Variants in EDRF1 observed in about 807,000 individuals in gnomAD.
The protein encoded by EDRF1 is erythroid differentiation regulatory factor 1, also known as erythroid differentiation-related factor 1.
A neutral mutation model predicts 148.7 loss-of-function variants in EDRF1; 69 were observed. The observed-to-expected ratio is 0.46, with a 90% CI of 0.38 to 0.57. The LOEUF (loss-of-function observed/expected upper bound fraction) is 0.57, where lower values mean the gene tolerates loss of function less well. EDRF1 is among the 20% of genes least tolerant of loss of function. The pLI is 0.00. For synonymous variants in EDRF1, 515 were observed against 532.8 expected, an observed-to-expected ratio of 0.97 and a Z score of 0.46; for missense variants, 1,118 against 1,478.7, an observed-to-expected ratio of 0.76 and a Z score of 4.00.
chr10:125,719,967 G>T lies in EDRF1; in HGVS notation c.108+52G>T, dbSNP rs771120801. Reference sequence around the variant, plus strand: ...CCAGGGATGTGGGAGCGGAGGACCCGCTCCACCGGGGAGGGATGCCACGGT... The same window carrying T: ...CCAGGGATGTGGGAGCGGAGGACCCTCTCCACCGGGGAGGGATGCCACGGT... On this transcript the variant is annotated intron_variant, in intron 1 of 24. Transcript: ENST00000356792. The T allele has an allele frequency of 1.0e-5, 16 of 1,531,496 alleles. No individual in the cohort carries two copies. The East Asian group carries it at 1.8e-4, about 18-fold the overall frequency. The allele number at this position is 1,531,496 out of a possible 1,614,324, so 94.9% of individuals were successfully genotyped here.
intron 22 of EDRF1, 59 bp from the exon 23 acceptor site, chr10:125,752,740 A>G: frequency 8.8e-7 from 1 of 1,142,368 alleles, no homozygotes; most frequent in Non-Finnish European, 1.3e-6. Context: ...ATACATTAAC[A>G]TTAGATGGGT....
intron 6 of EDRF1, among the ~76,000 whole-genome samples, chr10:125,727,783 G>C (rs1848324837): frequency 6.6e-6 from 1 of 152,160 alleles, no homozygotes; most frequent in South Asian, 2.1e-4. Flanking sequence ...GTTCTGTTGA[G>C]GCAATGACAT....
chr10:125,740,390 G>GA (rs1239130803), intron 15 of EDRF1, 73 bp from the exon 16 acceptor site: 22 of 1,492,436 alleles, frequency 1.5e-5, no homozygotes, highest in Non-Finnish European at 2.0e-5. Flanking sequence ...TCAAGAAACA[G>GA]AAAATATTTT....
At chr10:125,730,726 A>G (rs1337466541) in intron 9 of EDRF1, among the ~76,000 whole-genome samples, 1 of 152,238 alleles carries the variant, frequency 6.6e-6, no homozygotes, top group Non-Finnish European at 1.5e-5. Flanking sequence ...CGTTATGCAA[A>G]TATCTACTCA....
At chr10:125,747,788 G>C (rs1163389179) in intron 20 of EDRF1, 75 bp from the exon 21 acceptor site, 1 of 1,610,014 alleles carries the variant, frequency 6.2e-7, no homozygotes, top group Non-Finnish European at 8.5e-7. Flanking sequence ...CTAATAAGCA[G>C]TATTTAAACG....
chr10:125,759,000 C>A lies in EDRF1; in HGVS notation c.3546-4301C>A, dbSNP rs148158544. On this transcript the variant is annotated intron_variant, in intron 24 of 24. Coordinates refer to ENST00000356792, the MANE Select transcript of EDRF1 (RefSeq NM_001202438.2). ...CAGGGTTCATTGTCTTCCCCCACCC[C>A]CATTGAGTCTTTTGTTTCATAGAGG... Among the ~76,000 whole-genome samples the A allele has an allele frequency of 2.0e-5, 3 of 152,156 alleles. No individual in the cohort carries two copies. In the East Asian group the frequency reaches 5.8e-4, roughly 29 times the overall value.
intron 17 of EDRF1, chr10:125,742,271 C>T (rs1849065508): frequency 5.4e-6 from 7 of 1,289,320 alleles, no homozygotes; most frequent in African/African-American, 1.5e-5. Flanking sequence ...GATATCCCTC[C>T]CTCTTACCTC....
Position 125,721,394 on chromosome 10 carries a change from A to C in EDRF1, c.299A>C (p.Lys100Thr). 6.2e-7 allele frequency: 1 copy of C among 1,614,200 alleles called. No homozygotes were observed. The highest frequency in any genetic ancestry group is 8.5e-7 in the Non-Finnish European group (1 of 1,180,034). ...ACTACCATTCTTGGCAACAGCAAGA[A>C]AAGCAAGCCATTTTCAAGGTAAATA... The part of the protein sequence containing the change: ...AGTTILGNSK[K>T]SKPFSSFGMA... The change falls in exon 2 of 25, where the codon AAA becomes ACA. Residue 100 changes from lysine to threonine, a missense_variant. By Grantham distance (78) the Lys-to-Thr change is moderately conservative. Coordinates refer to ENST00000356792, the MANE Select transcript of EDRF1 (RefSeq NM_001202438.2).
At position 125,754,025 on chromosome 10, in the gene EDRF1, G is replaced by A. The variant is rs1393427473; in HGVS notation, c.3545+180G>A. 2.0e-5 allele frequency among the ~76,000 whole-genome samples: 3 copies of A among 151,982 alleles called. No individual in the cohort carries two copies. In the East Asian group the frequency reaches 5.8e-4, roughly 29 times the overall value. On this transcript the variant is annotated intron_variant, in intron 24 of 24. Coordinates refer to ENST00000356792, the MANE Select transcript of EDRF1 (RefSeq NM_001202438.2). ...GAGTTCAGGAGTTCGAGACCAGCCC[G>A]GCCAACATGGTGAAACCCCATCTCT...
chr10:125,752,878 G>C lies in EDRF1; in HGVS notation c.3357G>C (p.Gln1119His), dbSNP rs1177741254. 3 of 1,613,912 alleles carry C rather than the reference G, an allele frequency of 1.9e-6. No homozygotes were observed. Among genetic ancestry groups the C allele is most frequent in the Admixed American group, 3.3e-5 (2 of 60,002 alleles). Reference protein sequence around the residue: ...DIMVRTEHAFQLIQKELIEEF... With the variant: ...DIMVRTEHAFHLIQKELIEEF... Reference sequence around the variant, plus strand: ...TGGTGAGAACTGAGCACGCATTCCAGCTTATCCAGAAGGAGCTTATAGAAG... The same window carrying C: ...TGGTGAGAACTGAGCACGCATTCCACCTTATCCAGAAGGAGCTTATAGAAG... Residue 1119 changes from glutamine to histidine, a missense_variant, in exon 23 of 25, where the codon CAG becomes CAC. Transcript: ENST00000356792.
intron 18 of EDRF1, 70 bp from the exon 19 acceptor site, chr10:125,745,634 CTCA>C: frequency 6.7e-7 from 1 of 1,491,604 alleles, no homozygotes; most frequent in South Asian, 1.1e-5. Context: ...CTCCTCTTAT[CTCA>C]TCAAGAGACA....
At chr10:125,753,902 T>C in intron 24 of EDRF1, 57 bp downstream of exon 24, 1 of 1,587,616 alleles carries the variant, frequency 6.3e-7, no homozygotes, top group Non-Finnish European at 8.6e-7. Flanking sequence ...CTATAAAAAT[T>C]TTCTCTACTA....
intron 8 of EDRF1, among the ~76,000 whole-genome samples, chr10:125,730,001 G>T (rs1248285386): frequency 1.3e-5 from 2 of 152,234 alleles, no homozygotes. Flanking sequence ...CAAGTTGTGT[G>T]TGAGGAGCAG....
chr10:125,745,774 A>G lies in EDRF1; in HGVS notation c.2658A>G (p.Gly886=), dbSNP rs1849320986. The change falls in exon 19 of 25, where the codon GGA becomes GGG. Residue 886 remains glycine, a synonymous_variant. Transcript: ENST00000356792. ...WKKSFSCFEK[G]IHNFESIEDA... is the part of the protein sequence containing the mutation. ...AAAGCTTTTCTTGTTTTGAAAAGGG[A>G]ATTCACAACTTTGAATCAATTGAGG... The G allele has an allele frequency of 6.2e-7, 1 of 1,614,118 alleles. No individual in the cohort carries two copies. The highest frequency in any genetic ancestry group is 8.5e-7 in the Non-Finnish European group (1 of 1,180,050).
chr10:125,729,584 C>T lies in EDRF1; in HGVS notation c.1016+105C>T, dbSNP rs573408050. The T allele has an allele frequency of 3.1e-5, 44 of 1,409,680 alleles. 1 individual carries two copies. The South Asian group carries it at 4.3e-4, about 14-fold the overall frequency. 87.3% of individuals were successfully genotyped at this position (1,409,680 alleles called of 1,614,324 possible). Reference sequence around the variant, plus strand: ...TTGCAGTGAGCCAAGATCATGCTACCGCACTCCAGCCTAGGCGAAAGAGCA... The same window carrying T: ...TTGCAGTGAGCCAAGATCATGCTACTGCACTCCAGCCTAGGCGAAAGAGCA... On this transcript the variant is annotated intron_variant, in intron 8 of 24. Transcript: ENST00000356792.
intron 13 of EDRF1, among the ~76,000 whole-genome samples, chr10:125,737,531 C>T (rs1848801746): frequency 6.6e-6 from 1 of 152,178 alleles, no homozygotes; most frequent in African/African-American, 2.4e-5. Context: ...CACATAATAT[C>T]CTTCATAGTT....
chr10:125,735,702 A>G lies in EDRF1; in HGVS notation c.1556A>G (p.Lys519Arg). 1 of 1,613,574 alleles carries G rather than the reference A, an allele frequency of 6.2e-7. No individual in the cohort carries two copies. Among genetic ancestry groups the G allele is most frequent in the Admixed American group, 1.7e-5 (1 of 59,960 alleles). ...CTTTTTCAATTGGATGAACCTAAAA[A>G]GGAAGAAAATTCAGAATCTCCTTTA... ...SELFQLDEPK[K>R]EENSESPLNE... Residue 519 changes from lysine to arginine, a missense_variant, in exon 13 of 25, where the codon AAG becomes AGG. Physicochemically the swap from Lys to Arg is conservative, Grantham distance 26 (BLOSUM62 2). Around this residue, in one of 3 missense-constraint regions of EDRF1, gnomAD observed 954 missense variants for 1,241.4 expected, o/e 0.77. Coordinates refer to ENST00000356792, the MANE Select transcript of EDRF1 (RefSeq NM_001202438.2).
chr10:125,745,643 A>G lies in EDRF1; in HGVS notation c.2591-64A>G, dbSNP rs1849314152. ...GCCATCCTCCTCTTATCTCATCAAGAGACAGTGCTAAGGTTTACACTGATG... is the reference window on the plus strand; with the variant it reads ...GCCATCCTCCTCTTATCTCATCAAGGGACAGTGCTAAGGTTTACACTGATG... On this transcript the variant is annotated intron_variant, in intron 18 of 24. Transcript: ENST00000356792. 10 of 1,536,802 alleles carry G rather than the reference A, an allele frequency of 6.5e-6. No individual in the cohort carries two copies. The South Asian group carries it at 1.0e-4, about 16-fold the overall frequency.
chr10:125,735,856 T>C lies in EDRF1; in HGVS notation c.1710T>C (p.Val570=), dbSNP rs1848702565. 2 of 1,612,794 alleles carry C rather than the reference T, an allele frequency of 1.2e-6. No individual in the cohort carries two copies. The highest frequency in any genetic ancestry group is 8.5e-7 in the Non-Finnish European group (1 of 1,179,108). ...AAGCAGTAGCTATAATCAAGTCTGT[T>C]GGAGAACTATCAGTACCAGAAAAAT... ...DSKAVAIIKS[V]GELSVPEKYK... The change falls in exon 13 of 25, where the codon GTT becomes GTC. Residue 570 remains valine, a synonymous_variant. Transcript: ENST00000356792.
Sources: gnomAD v4.1 joint callset for allele counts (sites outside exome capture counted in the v4.1 genomes callset) on GRCh38, gnomAD v4.1.1 for gene constraint, gnomAD v4.1.1 regional missense constraint, MANE v1.5 for transcripts, NCBI Gene and HGNC (gene_info 2026-07-23, HGNC 2026-07-21) for gene names.